Variants in KCNIP4 observed in about 807,000 individuals in gnomAD.
KCNIP4 encodes Kv channel-interacting protein 4.
Under a neutral mutation model 34.0 loss-of-function variants are expected in KCNIP4, and 12 were observed. That is an observed-to-expected ratio of 0.35 (90% CI 0.23 to 0.57). The LOEUF is 0.57. Among genes scored for constraint, KCNIP4 ranks in the 20% least tolerant of loss-of-function variants. KCNIP4 has a pLI of 0.83. For synonymous variants in KCNIP4, 124 were observed against 102.2 expected (o/e 1.21, Z -1.29); for missense variants, 238 against 311.7 (o/e 0.76, Z 1.78).
chr4:20,917,740 C>T (rs1330819656), intron 1 of KCNIP4, among the ~76,000 whole-genome samples: 1 of 152,102 alleles, frequency 6.6e-6, no homozygotes, highest in African/African-American at 2.4e-5. Context: ...TGCCTGTAAT[C>T]CCAGCACTTT....
At chr4:20,843,159 AG>A (rs1279301027) in intron 3 of KCNIP4, among the ~76,000 whole-genome samples, 2 of 152,044 alleles carry the variant, frequency 1.3e-5, no homozygotes, top group Non-Finnish European at 2.9e-5. Flanking sequence ...CCAGCCGCCT[AG>A]GCTTCCCAAA....
chr4:20,826,383 T>C (rs1458920763), intron 3 of KCNIP4, among the ~76,000 whole-genome samples: 1 of 151,940 alleles, frequency 6.6e-6, no homozygotes, highest in East Asian at 1.9e-4. Context: ...GAGACTAGCC[T>C]GGGCAGCATA....
Position 21,905,000 on chromosome 4 carries a change from T to C in KCNIP4, c.61+43571A>G, listed in dbSNP as rs574494617. The stretch of plus-strand genomic sequence containing the variant: ...TGTTAGTGATTAATTTTTACCCAGG[T>C]ATAAAATTAAGGATTGCATTTCTGA... On this transcript the variant is annotated intron_variant, in intron 1 of 8. Transcript: ENST00000382152. 1.4e-4 allele frequency among the ~76,000 whole-genome samples: 22 copies of C among 152,306 alleles called. 1 individual carries two copies. The South Asian group carries it at 4.3e-3, about 30-fold the overall frequency.
chr4:21,386,613 A>G (rs1410808346), intron 1 of KCNIP4, among the ~76,000 whole-genome samples: 2 of 152,216 alleles, frequency 1.3e-5, no homozygotes, highest in East Asian at 3.8e-4. Flanking sequence ...TGCAATGAAC[A>G]AGGAACATTT....
At chr4:21,000,126 C>T (rs1336865932) in intron 1 of KCNIP4, among the ~76,000 whole-genome samples, 1 of 152,072 alleles carries the variant, frequency 6.6e-6, no homozygotes, top group African/African-American at 2.4e-5. Flanking sequence ...AGGCATATAC[C>T]ATCGATTCCA....
At chr4:21,012,285 A>T (rs1463918672) in intron 1 of KCNIP4, among the ~76,000 whole-genome samples, 1 of 152,204 alleles carries the variant, frequency 6.6e-6, no homozygotes, top group East Asian at 1.9e-4. Context: ...TTCAAGGTAA[A>T]GAATCTCAAC....
At chr4:21,788,124 ACC>A (rs1720030125) in intron 1 of KCNIP4, among the ~76,000 whole-genome samples, 1 of 152,216 alleles carries the variant, frequency 6.6e-6, no homozygotes, top group South Asian at 2.1e-4. Context: ...TTGCAAGTAA[ACC>A]ACACTGGACA....
At position 21,207,220 on chromosome 4, in the gene KCNIP4, G is replaced by T. The variant is rs187575074; in HGVS notation, c.62-324511C>A. On this transcript the variant is annotated intron_variant, in intron 1 of 8. Coordinates refer to ENST00000382152, the MANE Select transcript of KCNIP4 (RefSeq NM_025221.6). ...TATAAGTTATAATGTATTAGAAAAA[G>T]GATATTTTAAAATGTAAGAGAAAAC... is the stretch of plus-strand genomic sequence containing the variant. Among the ~76,000 whole-genome samples the T allele has an allele frequency of 6.1e-3, 926 of 152,142 alleles. 5 individuals carry two copies. Among genetic ancestry groups the T allele is most frequent in the Non-Finnish European group, 9.5e-3 (645 of 68,000 alleles).
intron 1 of KCNIP4, among the ~76,000 whole-genome samples, chr4:21,336,144 G>A (rs1282605245): frequency 2.6e-5 from 4 of 151,948 alleles, no homozygotes; most frequent in African/African-American, 4.8e-5. Context: ...ATCATGTTTG[G>A]TGAATTTATT....
chr4:21,008,410 G>T (rs1303791916), intron 1 of KCNIP4, among the ~76,000 whole-genome samples: 1 of 152,138 alleles, frequency 6.6e-6, no homozygotes, highest in East Asian at 1.9e-4. Context: ...CCAAAGAGCT[G>T]CTCTGTGCTA....
At chr4:21,219,666 T>C (rs1757848295) in intron 1 of KCNIP4, among the ~76,000 whole-genome samples, 1 of 151,794 alleles carries the variant, frequency 6.6e-6, no homozygotes, top group East Asian at 1.9e-4. Context: ...CTCAGAGAAA[T>C]GGGAGGAGAG....
At chr4:21,209,354 C>T (rs1221091802) in intron 1 of KCNIP4, among the ~76,000 whole-genome samples, 2 of 152,064 alleles carry the variant, frequency 1.3e-5, no homozygotes, top group East Asian at 3.9e-4. Flanking sequence ...CTTATTCCTC[C>T]TATCTAGCTG....
At chr4:21,055,056 T>C (rs1743283701) in intron 1 of KCNIP4, among the ~76,000 whole-genome samples, 1 of 152,008 alleles carries the variant, frequency 6.6e-6, no homozygotes, top group African/African-American at 2.4e-5. Flanking sequence ...AAAAAACTCT[T>C]AAGACTCAAC....
At chr4:20,902,011 G>A (rs1184522548) in intron 1 of KCNIP4, among the ~76,000 whole-genome samples, 4 of 152,086 alleles carry the variant, frequency 2.6e-5, no homozygotes, top group East Asian at 1.9e-4. Flanking sequence ...GGAATTCTGC[G>A]GTGGTACAAG....
chr4:21,374,194 T>C (rs6831365), intron 1 of KCNIP4, among the ~76,000 whole-genome samples: 46,361 of 146,482 alleles, frequency 0.32, 9,175 homozygotes, highest in South Asian at 0.45. Flanking sequence ...GTGTATTAGT[T>C]CATTTTCACC....
At chr4:21,618,624 CTTTTTCTT>C (rs1744770520) in intron 1 of KCNIP4, among the ~76,000 whole-genome samples, 2 of 116,786 alleles carry the variant, frequency 1.7e-5, no homozygotes, top group East Asian at 5.4e-4. Context: ...TTTTCTTTTT[CTTTTTCTT>C]TTTTTTTTTT....
At chr4:20,982,696 C>A (rs1457156750) in intron 1 of KCNIP4, among the ~76,000 whole-genome samples, 2 of 152,126 alleles carry the variant, frequency 1.3e-5, no homozygotes, top group African/African-American at 4.8e-5. Context: ...GATACATTGG[C>A]CATCATTAAC....
chr4:21,703,378 C>CT (rs1480255816), intron 1 of KCNIP4, among the ~76,000 whole-genome samples: 4 of 152,048 alleles, frequency 2.6e-5, no homozygotes, highest in East Asian at 1.9e-4. Flanking sequence ...TAAAATTTCT[C>CT]TTTTTTTATT....
At chr4:21,359,129 T>C (rs777797237) in intron 1 of KCNIP4, among the ~76,000 whole-genome samples, 6 of 152,100 alleles carry the variant, frequency 3.9e-5, no homozygotes, top group Non-Finnish European at 8.8e-5. Flanking sequence ...GTAAAGTAAA[T>C]GGCTCTTCCC....
Sources: gnomAD v4.1 joint callset for allele counts (sites outside exome capture counted in the v4.1 genomes callset) on GRCh38, gnomAD v4.1.1 for gene constraint, MANE v1.5 for transcripts, NCBI Gene and HGNC (gene_info 2026-07-23, HGNC 2026-07-21) for gene names.